The following GALNT13 variants were observed in gnomAD, a reference collection of about 807,000 sequenced individuals.
GALNT13 encodes the protein polypeptide N-acetylgalactosaminyltransferase 13.
Under a neutral mutation model 64.2 loss-of-function variants are expected in GALNT13, and 28 were observed. The ratio of observed to expected loss-of-function variants is 0.44; its 90% CI spans 0.32 to 0.60. The LOEUF is 0.60. Among genes scored for constraint, GALNT13 ranks in the 20% least tolerant of loss-of-function variants. GALNT13 has a pLI of 0.05. For missense variants in GALNT13, 577 were observed against 669.8 expected (o/e 0.86, Z 1.53); for synonymous variants, 214 against 224.6 (o/e 0.95, Z 0.42).
intron 12 of GALNT13, among the ~76,000 whole-genome samples, chr2:154,442,156 T>C (rs1701328974): frequency 6.6e-6 from 1 of 152,116 alleles, no homozygotes; most frequent in Admixed American, 6.6e-5. Context: ...AATTTCTCAT[T>C]TTTTTAATAG....
the GALNT13 span, among the ~76,000 whole-genome samples, chr2:153,555,465 A>AT: frequency 6.6e-6 from 1 of 151,626 alleles, no homozygotes. Context: ...AAGTGCTGGG[A>AT]TTACAGGCGT....
chr2:153,628,622 G>A, the GALNT13 span, among the ~76,000 whole-genome samples: 1 of 152,042 alleles, frequency 6.6e-6, no homozygotes, highest in East Asian at 1.9e-4. Context: ...TTTTGTCTTT[G>A]GTTCTGTTCA....
chr2:153,309,942 A>G, the GALNT13 span, among the ~76,000 whole-genome samples: 1 of 152,150 alleles, frequency 6.6e-6, no homozygotes, highest in Admixed American at 6.5e-5. Context: ...TATCAAAAAA[A>G]ACTTTCCAAA....
chr2:153,397,674 G>A, the GALNT13 span, among the ~76,000 whole-genome samples: 1 of 152,008 alleles, frequency 6.6e-6, no homozygotes, highest in African/African-American at 2.4e-5. Context: ...CACCAAGGGG[G>A]AGGGTTCAAA....
At chr2:153,584,740 C>T in the GALNT13 span, among the ~76,000 whole-genome samples, 1 of 152,218 alleles carries the variant, frequency 6.6e-6, no homozygotes, top group Non-Finnish European at 1.5e-5. Context: ...ACAGGCCCAT[C>T]TGGCATTCCA....
intron 4 of GALNT13, among the ~76,000 whole-genome samples, chr2:154,207,253 T>C (rs144219818): frequency 8.2e-4 from 125 of 152,290 alleles, no homozygotes; most frequent in African/African-American, 2.9e-3. Context: ...CTGCTACATG[T>C]TCTAACACCA....
At chr2:153,686,039 A>T in the GALNT13 span, among the ~76,000 whole-genome samples, 1 of 152,038 alleles carries the variant, frequency 6.6e-6, no homozygotes, top group Non-Finnish European at 1.5e-5. Flanking sequence ...TGTTTCAGTT[A>T]CTGTAGCCCT....
the GALNT13 span, among the ~76,000 whole-genome samples, chr2:153,356,252 A>G: frequency 6.6e-6 from 1 of 152,214 alleles, no homozygotes; most frequent in Admixed American, 6.5e-5. Context: ...GGATAATAAA[A>G]AATTTCCATT....
the GALNT13 span, among the ~76,000 whole-genome samples, chr2:153,277,657 A>G: frequency 6.6e-6 from 1 of 152,090 alleles, no homozygotes; most frequent in African/African-American, 2.4e-5. Flanking sequence ...GAATTAATTT[A>G]CATTCTCACC....
At chr2:153,733,968 T>G in the GALNT13 span, among the ~76,000 whole-genome samples, 5 of 152,298 alleles carry the variant, frequency 3.3e-5, no homozygotes, top group African/African-American at 7.2e-5. Flanking sequence ...CTTCAATGTC[T>G]ACATTGTCTT....
intron 3 of GALNT13, among the ~76,000 whole-genome samples, chr2:154,003,390 C>T (rs561660077): frequency 4.6e-5 from 7 of 152,190 alleles, no homozygotes; most frequent in South Asian, 4.1e-4. Flanking sequence ...GAGACGTGGG[C>T]GTTTACCAGC....
the GALNT13 span, among the ~76,000 whole-genome samples, chr2:153,783,332 C>A: frequency 0.013 from 2,021 of 152,154 alleles, 42 homozygotes; most frequent in African/African-American, 0.045. Flanking sequence ...GTCTTGAAAC[C>A]AAGAGGAAAT....
chr2:153,445,570 G>T, the GALNT13 span, among the ~76,000 whole-genome samples: 1 of 152,032 alleles, frequency 6.6e-6, no homozygotes, highest in Non-Finnish European at 1.5e-5. Context: ...TAGAGACAGG[G>T]TTTTGCTGTG....
chr2:153,687,902 C>G, the GALNT13 span, among the ~76,000 whole-genome samples: 1 of 151,884 alleles, frequency 6.6e-6, no homozygotes, highest in African/African-American at 2.4e-5. Flanking sequence ...TTAGATCTAG[C>G]CTTTCACATT....
At chr2:153,337,053 G>A in the GALNT13 span, among the ~76,000 whole-genome samples, 1 of 152,150 alleles carries the variant, frequency 6.6e-6, no homozygotes, top group Non-Finnish European at 1.5e-5. Flanking sequence ...CCCCAGCCAT[G>A]TGGAACTGTA....
chr2:153,799,809 T>C, the GALNT13 span, among the ~76,000 whole-genome samples: 42 of 152,152 alleles, frequency 2.8e-4, no homozygotes, highest in African/African-American at 1.0e-3. Flanking sequence ...GGGAATGATA[T>C]GTACCATAGG....
the GALNT13 span, among the ~76,000 whole-genome samples, chr2:153,431,913 T>C: frequency 8.9e-4 from 135 of 152,346 alleles, 1 homozygote; most frequent in East Asian, 0.023. Flanking sequence ...ATACTTCATT[T>C]ATTTCTCCCT....
At chr2:153,181,825 A>G in the GALNT13 span, among the ~76,000 whole-genome samples, 259 of 145,846 alleles carry the variant, frequency 1.8e-3, 1 homozygote, top group African/African-American at 6.2e-3. Context: ...TATTTATATA[A>G]TATAACATAA....
chr2:153,465,931 G>T, the GALNT13 span, among the ~76,000 whole-genome samples: 1 of 151,998 alleles, frequency 6.6e-6, no homozygotes, highest in East Asian at 1.9e-4. Context: ...CTAACTCAGG[G>T]TGGGCTTTCT....
Sources: allele counts gnomAD v4.1 joint callset (sites outside exome capture counted in the v4.1 genomes callset), GRCh38; gene constraint gnomAD v4.1.1; transcripts MANE v1.5; gene names NCBI Gene and HGNC (gene_info 2026-07-23, HGNC 2026-07-21).